Variants in SLC12A2 observed in about 807,000 individuals in gnomAD.
The protein encoded by SLC12A2 is Na-K-2Cl cotransporter 1.
A neutral mutation model predicts 136.3 loss-of-function variants in SLC12A2; 67 were observed. That is an observed-to-expected ratio of 0.49 (90% CI 0.40 to 0.60). The LOEUF is 0.60. Ranked by LOEUF, SLC12A2 falls within the 20% of genes least tolerant of loss-of-function variation. The probability of loss-of-function intolerance (pLI) is 0.00; values close to 1 mark genes in which losing one functional copy is unlikely to be tolerated. For missense variants in SLC12A2, 1,322 were observed against 1,534.7 expected (o/e 0.86, Z 2.32); for synonymous variants, 619 against 562.9 (o/e 1.10, Z -1.41).
chr5:128,134,740 G>T (rs1262211289), intron 6 of SLC12A2, among the ~76,000 whole-genome samples: 2 of 152,054 alleles, frequency 1.3e-5, no homozygotes, highest in Non-Finnish European at 2.9e-5. Context: ...AATTGCTAAA[G>T]TCACATGTTA....
chr5:128,119,229 A>G (rs571663062), intron 4 of SLC12A2, among the ~76,000 whole-genome samples: 28 of 152,276 alleles, frequency 1.8e-4, no homozygotes, highest in African/African-American at 6.7e-4. Flanking sequence ...CTGTGGGAAG[A>G]GTGATGTCTG....
rs70997365 is a variant in SLC12A2 at position 128,179,948 on chromosome 5, C to CT, written c.3101-896dup. ...TCCATTTATCATGTCCCAATCGTTC[C>CT]TTTTTTTTTTTTTTTTTTTTTTTTT... On this transcript the variant is annotated intron_variant, in intron 22 of 26. Transcript: ENST00000262461. Among the ~76,000 whole-genome samples the CT allele has an allele frequency of 9.9e-5, 5 of 50,480 alleles. 2 individuals are homozygous for CT. Among genetic ancestry groups the CT allele is most frequent in the Non-Finnish European group, 2.0e-4 (5 of 24,894 alleles). 33.1% of individuals were successfully genotyped at this position (50,480 alleles called of 152,430 possible).
chr5:128,092,543 A>G (rs931185535), intron 1 of SLC12A2, among the ~76,000 whole-genome samples: 2 of 152,208 alleles, frequency 1.3e-5, no homozygotes, highest in Non-Finnish European at 1.5e-5. Flanking sequence ...AAAAGTAAAG[A>G]ATCAGGCAAA....
intron 17 of SLC12A2, among the ~76,000 whole-genome samples, chr5:128,163,422 G>GGGATTACA (rs1320194235): frequency 1.3e-5 from 2 of 152,082 alleles, no homozygotes; most frequent in African/African-American, 4.8e-5. Context: ...TCAGCTACCT[G>GGGATTACA]GGAGGCTGAG....
chr5:128,161,704 C>A lies in SLC12A2; in HGVS notation c.2520C>A (p.Ala840=). The change falls in exon 17 of 27, where the codon GCC becomes GCA. Residue 840 remains alanine (A), a synonymous_variant. Coordinates refer to ENST00000262461, the MANE Select transcript of SLC12A2 (RefSeq NM_001046.3). ...QAMKEMSIDQ[A]KYQRWLIKNK... is the part of the protein sequence containing the mutation. Reference sequence around the variant, plus strand: ...TGAAAGAGATGTCCATCGATCAAGCCAAATATCAGCGATGGCTTATTAAGA... The same window carrying A: ...TGAAAGAGATGTCCATCGATCAAGCAAAATATCAGCGATGGCTTATTAAGA... 1 of 1,523,338 alleles carries A rather than the reference C, an allele frequency of 6.6e-7. No individual in the cohort carries two copies. The highest frequency in any genetic ancestry group is 1.4e-5 in the South Asian group (1 of 73,920). 94.4% of individuals were successfully genotyped at this position (1,523,338 alleles called of 1,614,324 possible).
chr5:128,100,065 G>A (rs1760692225), intron 1 of SLC12A2, among the ~76,000 whole-genome samples: 1 of 152,098 alleles, frequency 6.6e-6, no homozygotes, highest in Non-Finnish European at 1.5e-5. Flanking sequence ...ATTACTGTCA[G>A]CTTAGTAGGT....
intron 1 of SLC12A2, among the ~76,000 whole-genome samples, chr5:128,112,530 GTT>G (rs1761190547): frequency 1.3e-5 from 2 of 152,138 alleles, no homozygotes; most frequent in Admixed American, 1.3e-4. Flanking sequence ...AGGAGTCATT[GTT>G]TCCTCCAGAC....
chr5:128,152,453 T>G (rs1193909029), intron 14 of SLC12A2, among the ~76,000 whole-genome samples: 2 of 152,206 alleles, frequency 1.3e-5, no homozygotes, highest in Admixed American at 1.3e-4. Flanking sequence ...TCTTTCAGAG[T>G]TGTATGCACA....
intron 15 of SLC12A2, among the ~76,000 whole-genome samples, chr5:128,154,052 C>T (rs968098832): frequency 6.6e-5 from 8 of 121,104 alleles, no homozygotes; most frequent in Non-Finnish European, 1.0e-4. Context: ...TATTTGCCGT[C>T]AATTAAAAAA....
In SLC12A2 at chr5:128,172,977, C is replaced by CA. The variant is rs371656696; in HGVS notation, c.2803+1241dup. On this transcript the variant is annotated intron_variant, in intron 19 of 26. Transcript: ENST00000262461. ...TACAAAAAAAACAAAAAACAAAAAA[C>CA]AAAAAAAAAACAACTGTGAAGATTT... is the stretch of plus-strand genomic sequence containing the variant. Among the ~76,000 whole-genome samples the CA allele has an allele frequency of 9.2e-3, 1,292 of 140,064 alleles. 16 individuals are homozygous for CA. The highest frequency in any genetic ancestry group is 0.029 in the African/African-American group (1,100 of 37,406). 91.9% of individuals were successfully genotyped at this position (140,064 alleles called of 152,430 possible). A position where few individuals can be genotyped will look rare whatever the true frequency, so the allele number is the denominator to read the frequency against.
At chr5:128,148,548 A>T (rs1455551967) in intron 11 of SLC12A2, among the ~76,000 whole-genome samples, 1 of 151,792 alleles carries the variant, frequency 6.6e-6, no homozygotes, top group Non-Finnish European at 1.5e-5. Flanking sequence ...GGTAAGGCAG[A>T]TAGAAGTTTT....
chr5:128,110,443 GGTTAAACTCAGTAGAA>G (rs1311922809), intron 1 of SLC12A2: 3 of 1,188,190 alleles, frequency 2.5e-6, no homozygotes, highest in Non-Finnish European at 3.8e-6. Context: ...GACTTGAGCT[GGTTAAACTCAGTAGAA>G]ACACCCTGAA....
intron 13 of SLC12A2, 81 bp downstream of exon 13, chr5:128,150,179 ATG>A: frequency 1.1e-6 from 1 of 877,754 alleles, no homozygotes; most frequent in Admixed American, 1.9e-5. Flanking sequence ...ATTTTCAAAG[ATG>A]TTATGTGTGG....
At chr5:128,114,712 C>A in intron 4 of SLC12A2, 31 bp downstream of exon 4, 1 of 1,259,946 alleles carries the variant, frequency 7.9e-7, no homozygotes, top group South Asian at 1.2e-5. Flanking sequence ...TCATCATCAT[C>A]AGATTACTCT....
intron 1 of SLC12A2, among the ~76,000 whole-genome samples, chr5:128,097,079 C>T (rs1332772677): frequency 6.6e-6 from 1 of 152,026 alleles, no homozygotes; most frequent in African/African-American, 2.4e-5. Flanking sequence ...AGTCTCAAGC[C>T]TTCCTAGAAT....
At chr5:128,151,682 T>G (rs1456351479) in intron 14 of SLC12A2, among the ~76,000 whole-genome samples, 1 of 152,096 alleles carries the variant, frequency 6.6e-6, no homozygotes, top group African/African-American at 2.4e-5. Flanking sequence ...ATTCATGTAA[T>G]TAACATTTTG....
At chr5:128,141,494 A>G (rs1762362358) in intron 9 of SLC12A2, among the ~76,000 whole-genome samples, 1 of 152,208 alleles carries the variant, frequency 6.6e-6, no homozygotes, top group African/African-American at 2.4e-5. Context: ...CTTTCAGTAC[A>G]GTGTTTTCAT....
In SLC12A2 at chr5:128,139,336, TA is replaced by T. The variant is rs55735316; in HGVS notation, c.1621+429del. On this transcript the variant is annotated intron_variant, in intron 9 of 26. Coordinates refer to ENST00000262461, the MANE Select transcript of SLC12A2 (RefSeq NM_001046.3). ...TATTAAGCAATGCTTGGCAATTTTT[TA>T]CTATAAAAACACTGGTTTTGAAGAT... Among the ~76,000 whole-genome samples, 513 of 152,250 alleles carry T rather than the reference TA, an allele frequency of 3.4e-3. 2 individuals carry two copies. Among genetic ancestry groups the T allele is most frequent in the Admixed American group, 6.8e-3 (104 of 15,290 alleles).
chr5:128,102,595 C>CTT (rs1487974249), intron 1 of SLC12A2, among the ~76,000 whole-genome samples: 8 of 23,572 alleles, frequency 3.4e-4, no homozygotes, highest in Non-Finnish European at 7.5e-4. Flanking sequence ...CCCCCCCCCG[C>CTT]CTTTTTTTTT....
Sources: allele counts gnomAD v4.1 joint callset (sites outside exome capture counted in the v4.1 genomes callset), GRCh38; gene constraint gnomAD v4.1.1; transcripts MANE v1.5; gene names NCBI Gene and HGNC (gene_info 2026-07-23, HGNC 2026-07-21).